TRPM7: variants seen among roughly 807,000 people sequenced by gnomAD.
TRPM7 encodes the protein transient receptor potential cation channel subfamily M member 7, also known as LTRPC ion channel family member 7.
A neutral mutation model predicts 229.7 loss-of-function variants in TRPM7; 134 were observed. The ratio of observed to expected loss-of-function variants is 0.58; its 90% confidence interval spans 0.51 to 0.67. The LOEUF is 0.67. Ranked by LOEUF, TRPM7 falls within the 30% of genes least tolerant of loss-of-function variation. The pLI is 0.00. For missense variants in TRPM7, 1,901 were observed against 2,210.0 expected (o/e 0.86, Z 2.80); for synonymous variants, 699 against 715.2 (o/e 0.98, Z 0.36).
intron 8 of TRPM7, among the ~76,000 whole-genome samples, chr15:50,634,049 T>A (rs2060813389): frequency 6.6e-6 from 1 of 152,208 alleles, no homozygotes; most frequent in Admixed American, 6.5e-5. Context: ...CCAGGCATGG[T>A]GGCTCATGCC....
intron 7 of TRPM7, among the ~76,000 whole-genome samples, chr15:50,636,188 CTTT>C (rs535332848): frequency 7.3e-6 from 1 of 136,452 alleles, no homozygotes. Flanking sequence ...CAATTCTTAA[CTTT>C]TTTTTTTTTT....
chr15:50,599,380 G>T, intron 21 of TRPM7, 84 bp from the exon 22 acceptor site: 1 of 994,626 alleles, frequency 1.0e-6, no homozygotes, highest in Non-Finnish European at 1.4e-6. Flanking sequence ...TGTTCTAATA[G>T]ACCAAAAAAA....
intron 11 of TRPM7, among the ~76,000 whole-genome samples, chr15:50,626,731 C>T (rs753065550): frequency 1.2e-4 from 18 of 151,874 alleles, no homozygotes; most frequent in Non-Finnish European, 1.0e-4. Context: ...CCTCTGTAGT[C>T]CTGCAAGAGG....
chr15:50,586,507 C>A lies in TRPM7; in HGVS notation c.4390-19G>T, dbSNP rs1447756642. ...TGTTATTCTGCAAATATTGTGCAGACATATAATTTGAAAATAATTGAACTA... is the reference window on the plus strand; with the variant it reads ...TGTTATTCTGCAAATATTGTGCAGAAATATAATTTGAAAATAATTGAACTA... On this transcript the variant is annotated intron_variant, in intron 27 of 38. Transcript: ENST00000646667. The A allele has an allele frequency of 6.6e-7, 1 of 1,516,434 alleles. No individual in the cohort carries two copies. Among genetic ancestry groups the A allele is most frequent in the South Asian group, 1.1e-5 (1 of 88,012 alleles). The allele number at this position is 1,516,434 out of a possible 1,614,324, so 93.9% of individuals were successfully genotyped here.
intron 12 of TRPM7, among the ~76,000 whole-genome samples, chr15:50,622,381 ATTATC>A (rs2060435116): frequency 6.6e-6 from 1 of 152,220 alleles, no homozygotes. Flanking sequence ...TAACTACAGT[ATTATC>A]TTAACACCTT....
chr15:50,614,378 G>T, intron 13 of TRPM7, 115 bp from the exon 14 acceptor site: 2 of 1,006,870 alleles, frequency 2.0e-6, no homozygotes, highest in Non-Finnish European at 2.8e-6. Context: ...CTTATAAGAA[G>T]CAAGGGCCAG....
At position 50,580,916 on chromosome 15, in the gene TRPM7, A is replaced by C; in HGVS notation, c.4558-8T>G. On this transcript the variant is annotated splice_polypyrimidine_tract_variant and splice_region_variant and intron_variant, in intron 29 of 38. Coordinates refer to ENST00000646667, the MANE Select transcript of TRPM7 (RefSeq NM_017672.6). The stretch of plus-strand genomic sequence containing the variant: ...TCTATCTTGTAACCAATCCTTCAGT[A>C]AAAAAAAAACACACACACACAAAAA... 1.4e-6 allele frequency: 2 copies of C among 1,381,780 alleles called. No homozygotes were observed. Among genetic ancestry groups the C allele is most frequent in the Non-Finnish European group, 1.9e-6 (2 of 1,032,694 alleles). 85.6% of individuals were successfully genotyped at this position (1,381,780 alleles called of 1,614,324 possible).
rs113322598 is a variant in TRPM7 at position 50,585,332 on chromosome 15, G to T, written c.4486+1060C>A. Among the ~76,000 whole-genome samples the T allele has an allele frequency of 8.4e-3, 1,284 of 152,316 alleles. 7 individuals carry two copies. The highest frequency in any genetic ancestry group is 0.015 in the Non-Finnish European group (990 of 68,026). ...CCTGCCTCGGCCTCCCAAAGTGCTA[G>T]GATTACAGGCGTAAGCCACCTGGCC... On this transcript the variant is annotated intron_variant, in intron 28 of 38. Transcript: ENST00000646667.
intron 30 of TRPM7, 40 bp downstream of exon 30, chr15:50,580,834 T>C (rs1164268264): frequency 6.4e-7 from 1 of 1,566,024 alleles, no homozygotes. Context: ...TCAATAACTA[T>C]GATACTTCGC....
chr15:50,681,165 C>T (rs1258938772), intron 1 of TRPM7, among the ~76,000 whole-genome samples: 1 of 151,878 alleles, frequency 6.6e-6, no homozygotes, highest in Non-Finnish European at 1.5e-5. Flanking sequence ...GCAGGAGAAT[C>T]ACTTGAACCC....
At chr15:50,603,848 T>G (rs1221516173) in intron 21 of TRPM7, 1 of 152,214 alleles carries the variant, frequency 6.6e-6, no homozygotes, top group Non-Finnish European at 1.5e-5. Context: ...CAGCATGTAT[T>G]TTTAAAGCAT....
At chr15:50,664,252 G>A (rs936429354) in intron 1 of TRPM7, among the ~76,000 whole-genome samples, 1 of 149,554 alleles carries the variant, frequency 6.7e-6, no homozygotes, top group African/African-American at 2.5e-5. Context: ...GGAGGTTGCA[G>A]TGAGCCGAGA....
intron 3 of TRPM7, among the ~76,000 whole-genome samples, chr15:50,653,998 G>C (rs1379898088): frequency 6.6e-6 from 1 of 151,990 alleles, no homozygotes; most frequent in Non-Finnish European, 1.5e-5. Flanking sequence ...CCACATCCTA[G>C]GACTAAGTTC....
chr15:50,557,890 C>T lies in TRPM7; in HGVS notation c.*3788G>A, dbSNP rs2053188993. The T allele has an allele frequency of 6.6e-6, 1 of 152,190 alleles. No individual in the cohort carries two copies. The highest frequency in any genetic ancestry group is 6.5e-5 in the Admixed American group (1 of 15,270). The allele number at this position is 152,190 out of a possible 1,614,324, so 9.4% of individuals were successfully genotyped here. A position where few individuals can be genotyped will look rare whatever the true frequency, so the allele number is the denominator to read the frequency against. ...AACTCCTGACCTCAGATGATCCACC[C>T]ACCTTGGCCTCCCAAAGTGATGGAA... On this transcript the variant is annotated 3_prime_UTR_variant, in exon 39 of 39. Transcript: ENST00000646667.
At chr15:50,620,310 ATT>A (rs35661509) in intron 12 of TRPM7, among the ~76,000 whole-genome samples, 2 of 146,040 alleles carry the variant, frequency 1.4e-5, no homozygotes, top group Admixed American at 1.4e-4. Context: ...ATTTTTTTCA[ATT>A]TTTTTTTTTT....
intron 14 of TRPM7, 64 bp from the exon 15 acceptor site, chr15:50,613,905 G>C: frequency 2.6e-6 from 4 of 1,559,154 alleles, no homozygotes; most frequent in Non-Finnish European, 3.5e-6. Context: ...AAAAATTCAA[G>C]AATCAATTTA....
At chr15:50,603,339 T>A (rs994874225) in intron 21 of TRPM7, among the ~76,000 whole-genome samples, 1 of 152,028 alleles carries the variant, frequency 6.6e-6, no homozygotes, top group Non-Finnish European at 1.5e-5. Flanking sequence ...TATTATACTT[T>A]AAGTTCTAGG....
Position 50,624,295 on chromosome 15 carries a change from T to C in TRPM7, c.1311A>G (p.Gly437=). ...CATCAAGCATAGCTTGTTCCAAGGA[T>C]CCAACCTAGGAGTATCAAATTTAAT... ...VFVYGQQWLV[G]SLEQAMLDAL... is the part of the protein sequence containing the mutation. Residue 437 remains glycine (G), a synonymous_variant, in exon 12 of 39, where the codon GGA becomes GGG. Coordinates refer to ENST00000646667, the MANE Select transcript of TRPM7 (RefSeq NM_017672.6). The C allele has an allele frequency of 6.2e-7, 1 of 1,601,282 alleles. No homozygotes were observed. The highest frequency in any genetic ancestry group is 1.8e-5 in the Admixed American group (1 of 57,044).
At chr15:50,619,609 T>A in intron 13 of TRPM7, 136 bp downstream of exon 13, 1 of 703,180 alleles carries the variant, frequency 1.4e-6, no homozygotes, top group Admixed American at 3.5e-5. Context: ...ATTCAGCCCA[T>A]ATTTTATCTT....
Sources: gnomAD v4.1 joint callset for allele counts (sites outside exome capture counted in the v4.1 genomes callset) on GRCh38, gnomAD v4.1.1 for gene constraint, MANE v1.5 for transcripts, NCBI Gene and HGNC (gene_info 2026-07-23, HGNC 2026-07-21) for gene names.